The following ST3GAL4 variants were observed in gnomAD, a reference collection of about 807,000 sequenced individuals.
ST3GAL4 encodes the protein ST3 beta-galactoside alpha-2,3-sialyltransferase 4.
In ST3GAL4, 24 loss-of-function variants were observed where a neutral mutation model predicts 42.6. The observed-to-expected ratio is 0.56, with a 90% CI of 0.41 to 0.79. ST3GAL4 has a LOEUF of 0.79. Ranked by LOEUF, ST3GAL4 falls within the 30% of genes least tolerant of loss-of-function variation. ST3GAL4 has a pLI of 0.00. For missense variants in ST3GAL4, 311 were observed against 430.8 expected (o/e 0.72, Z 2.46); for synonymous variants, 135 against 163.2 (o/e 0.83, Z 1.32).
intron 1 of ST3GAL4, among the ~76,000 whole-genome samples, chr11:126,357,414 G>A (rs1225712597): frequency 1.3e-5 from 2 of 152,150 alleles, no homozygotes; most frequent in African/African-American, 4.8e-5. Flanking sequence ...TGGACTTTGG[G>A]CAGAGTGGGT....
At chr11:126,358,603 C>A in intron 1 of ST3GAL4, 1 of 318,586 alleles carries the variant, frequency 3.1e-6, no homozygotes, top group Non-Finnish European at 6.6e-6. Context: ...CAGGCCCTAG[C>A]CAAGTGCTGG....
chr11:126,375,836 G>C (rs1189919998), intron 1 of ST3GAL4, among the ~76,000 whole-genome samples: 1 of 151,318 alleles, frequency 6.6e-6, no homozygotes, highest in Non-Finnish European at 1.5e-5. Flanking sequence ...AGTTAGTGGG[G>C]CAGAGATTGC....
chr11:126,390,617 G>GTTTTTTT (rs1565411208), intron 1 of ST3GAL4, among the ~76,000 whole-genome samples: 1 of 24,154 alleles, frequency 4.1e-5, no homozygotes, highest in African/African-American at 2.4e-4. Context: ...TGTGTTCTTT[G>GTTTTTTT]CTTTTTTTTT....
At chr11:126,387,363 G>A (rs1953267410) in intron 1 of ST3GAL4, among the ~76,000 whole-genome samples, 1 of 151,912 alleles carries the variant, frequency 6.6e-6, no homozygotes, top group Admixed American at 6.6e-5. Flanking sequence ...ATTTGAAAGG[G>A]TATCACAGTC....
intron 1 of ST3GAL4, among the ~76,000 whole-genome samples, chr11:126,388,679 T>TC (rs1555086241): frequency 0.14 from 17,568 of 122,568 alleles, 1,470 homozygotes; most frequent in Non-Finnish European, 0.22. Flanking sequence ...TTTTTTTTTT[T>TC]TTCTGATTTA....
chr11:126,371,706 C>A (rs1407923990), intron 1 of ST3GAL4, among the ~76,000 whole-genome samples: 1 of 152,186 alleles, frequency 6.6e-6, no homozygotes, highest in African/African-American at 2.4e-5. Flanking sequence ...AAGTTGTTTC[C>A]ATTTTTTGCT....
In ST3GAL4 at chr11:126,410,284, G is replaced by C. The variant is rs1367175986; in HGVS notation, c.771+873G>C. ...AGCAAGTTATGGTTTTGAGTGCAGT[G>C]CCCTGGTGGTCTTCAGCTGGTGGGC... On this transcript the variant is annotated intron_variant, in intron 9 of 10. Transcript: ENST00000444328. This position sits in a 1 kb window ranked among gnomAD's most constrained non-coding sequence, Gnocchi z 5.3. 6.6e-6 allele frequency among the ~76,000 whole-genome samples: 1 copy of C among 152,220 alleles called. No individual in the cohort carries two copies. Among genetic ancestry groups the C allele is most frequent in the Non-Finnish European group, 1.5e-5 (1 of 68,038 alleles).
intron 1 of ST3GAL4, among the ~76,000 whole-genome samples, chr11:126,358,888 C>T (rs1003786346): frequency 2.0e-5 from 3 of 152,216 alleles, no homozygotes; most frequent in Admixed American, 2.0e-4. Context: ...GAGGAGGTTG[C>T]TGCTGCTCGG....
At chr11:126,408,578 G>C in intron 8 of ST3GAL4, 82 bp downstream of exon 8, 1 of 1,499,804 alleles carries the variant, frequency 6.7e-7, no homozygotes, top group South Asian at 1.2e-5. Flanking sequence ...CTTGATGTCC[G>C]CCTGGCAGTC....
Position 126,381,287 on chromosome 11 carries a change from T to A in ST3GAL4, c.-60-24809T>A, listed in dbSNP as rs577717559. Among the ~76,000 whole-genome samples the A allele has an allele frequency of 2.0e-3, 306 of 152,182 alleles. 17 individuals are homozygous for A. In the South Asian group the frequency reaches 0.06, roughly 30 times the overall value. On this transcript the variant is annotated intron_variant, in intron 1 of 10. Transcript: ENST00000444328. Reference sequence around the variant, plus strand: ...CCCCCCACCTCCCAAAACAGAGGTGTGTAGGGGTTCCCTGCCTGGAGTCCC... The same window carrying A: ...CCCCCCACCTCCCAAAACAGAGGTGAGTAGGGGTTCCCTGCCTGGAGTCCC...
intron 1 of ST3GAL4, among the ~76,000 whole-genome samples, chr11:126,356,678 G>C (rs531971678): frequency 8.4e-4 from 128 of 152,334 alleles, no homozygotes; most frequent in Non-Finnish European, 1.4e-3. Context: ...GCAGTGTTCG[G>C]GTGCCCAGCT....
intron 1 of ST3GAL4, among the ~76,000 whole-genome samples, chr11:126,380,760 T>C (rs1470401247): frequency 6.6e-6 from 1 of 152,330 alleles, no homozygotes; most frequent in African/African-American, 2.4e-5. Flanking sequence ...TTCTGGAGCC[T>C]GAGCATCTCC....
At position 126,407,059 on chromosome 11, in the gene ST3GAL4, A is replaced by T. The variant is rs1954268798; in HGVS notation, c.182+36A>T. 2.5e-6 allele frequency: 4 copies of T among 1,596,466 alleles called. No homozygotes were observed. In the East Asian group the frequency reaches 8.9e-5, roughly 36 times the overall value. ...AAGGATGAGGAGGGTAGAGCAGGGC[A>T]TGGAGCGAGCTGGGATTGAGGGTTT... On this transcript the variant is annotated intron_variant, in intron 4 of 10. Coordinates refer to ENST00000444328, the MANE Select transcript of ST3GAL4 (RefSeq NM_001254757.2).
rs568980318 is a variant in ST3GAL4, at chr11:126,376,978, G to A, written c.-61+21136G>A. On this transcript the variant is annotated intron_variant, in intron 1 of 10. Transcript: ENST00000444328. This position sits in a 1 kb window ranked among gnomAD's most constrained non-coding sequence, Gnocchi z 5.1. Reference sequence around the variant, plus strand: ...CTTGAGAGAATACAAGGCACCAGGGGGGTAAACATAATAATTATAAGGAGA... The same window carrying A: ...CTTGAGAGAATACAAGGCACCAGGGAGGTAAACATAATAATTATAAGGAGA... 6.6e-6 allele frequency: 1 copy of A among 152,146 alleles called. No homozygotes were observed. Among genetic ancestry groups the A allele is most frequent in the Non-Finnish European group, 1.5e-5 (1 of 68,028 alleles). 9.4% of individuals were successfully genotyped at this position (152,146 alleles called of 1,614,324 possible). A position where few individuals can be genotyped will look rare whatever the true frequency, so the allele number is the denominator to read the frequency against.
rs1239186575 is a variant in ST3GAL4, at chr11:126,388,679, T to TTTTTTTTTTTTTTTTC, written c.-60-17415_-60-17414insTTTTTTTTTTTTTCTT. Reference sequence around the variant, plus strand: ...TTTCTTGTTTTTTTTTTTTTTTTTTTTTCTGATTTACGTGAGCACATCATA... The same window carrying TTTTTTTTTTTTTTTTC: ...TTTCTTGTTTTTTTTTTTTTTTTTTTTTTTTTTTTTTTTTTCTTCTGATTTACGTGAGCACATCATA... On this transcript the variant is annotated intron_variant, in intron 1 of 10. Transcript: ENST00000444328. 3.6e-4 allele frequency among the ~76,000 whole-genome samples: 44 copies of TTTTTTTTTTTTTTTTC among 122,636 alleles called. 1 individual carries two copies. Among genetic ancestry groups the TTTTTTTTTTTTTTTTC allele is most frequent in the Non-Finnish European group, 4.1e-4 (25 of 60,378 alleles). The allele number at this position is 122,636 out of a possible 152,430, so 80.5% of individuals were successfully genotyped here. A position where few individuals can be genotyped will look rare whatever the true frequency, so the allele number is the denominator to read the frequency against.
At chr11:126,358,772 A>T (rs929114059) in intron 1 of ST3GAL4, among the ~76,000 whole-genome samples, 1 of 152,096 alleles carries the variant, frequency 6.6e-6, no homozygotes, top group Admixed American at 6.5e-5. Context: ...CCTGGCCACA[A>T]CCCCATCTCT....
chr11:126,388,597 G>A, intron 1 of ST3GAL4, among the ~76,000 whole-genome samples: 1 of 150,014 alleles, frequency 6.7e-6, no homozygotes, highest in East Asian at 2.0e-4. Context: ...CTTCCAGAAT[G>A]CTGGGATAAT....
intron 1 of ST3GAL4, among the ~76,000 whole-genome samples, chr11:126,399,106 C>T (rs1291944802): frequency 2.6e-5 from 4 of 152,256 alleles, no homozygotes; most frequent in Non-Finnish European, 4.4e-5. Context: ...AACTGTGGCT[C>T]TGGCCAATAC....
In ST3GAL4 at chr11:126,406,131, G is replaced by A; in HGVS notation, c.-25G>A. 1 of 1,552,716 alleles carries A rather than the reference G, an allele frequency of 6.4e-7. No individual in the cohort carries two copies. Among genetic ancestry groups the A allele is most frequent in the Non-Finnish European group, 8.7e-7 (1 of 1,147,554 alleles). On this transcript the variant is annotated 5_prime_UTR_variant, in exon 2 of 11. Transcript: ENST00000444328. The surrounding 1 kb of genome is among the most constrained non-coding windows in gnomAD (Gnocchi z 5.4). The stretch of plus-strand genomic sequence containing the variant: ...GCAGCCGGGATGACAGCTCTCCCCA[G>A]GAATCCTGCTGCCTGCTGAGAAACA...
Sources: allele counts gnomAD v4.1 joint callset (sites outside exome capture counted in the v4.1 genomes callset), GRCh38; gene constraint gnomAD v4.1.1; non-coding constraint Gnocchi (gnomAD v3.1); transcripts MANE v1.5; gene names NCBI Gene and HGNC (gene_info 2026-07-23, HGNC 2026-07-21).